Variants in TRAPPC9 observed in about 807,000 individuals in gnomAD.
TRAPPC9 encodes the protein trafficking protein particle complex subunit 9.
Under a neutral mutation model 124.0 loss-of-function variants are expected in TRAPPC9, and 83 were observed. The ratio of observed to expected loss-of-function variants is 0.67; its 90% CI spans 0.56 to 0.80. The LOEUF (loss-of-function observed/expected upper bound fraction) is 0.80, where lower values mean the gene tolerates loss of function less well. Among genes scored for constraint, TRAPPC9 ranks in the 30% least tolerant of loss-of-function variants. The pLI is 0.00. For missense variants in TRAPPC9, 1,302 were observed against 1,508.3 expected, an observed-to-expected ratio of 0.86 and a Z score of 2.27; for synonymous variants, 638 against 617.5, an observed-to-expected ratio of 1.03 and a Z score of -0.49.
rs773134795 is a variant in TRAPPC9 at position 140,451,303 on chromosome 8, C to T, written c.71G>A (p.Gly24Asp). The stretch of plus-strand genomic sequence containing the variant: ...GAAGAAGTTCTCCTCGGAGACGATG[C>T]CCACAGGCTGGACCACCACGAGCAG... Reference protein sequence around the residue: ...QTLLVVVQPVGIVSEENFFRI... With the variant: ...QTLLVVVQPVDIVSEENFFRI... The change falls in exon 2 of 23, where the codon GGC becomes GAC. Residue 24 changes from glycine to aspartate, a missense_variant. Around this residue, in one of 3 missense-constraint regions of TRAPPC9, gnomAD observed 657 missense variants for 811.2 expected, o/e 0.81. Transcript: ENST00000438773. The T allele has an allele frequency of 5.6e-6, 9 of 1,608,996 alleles. No homozygotes were observed. Among genetic ancestry groups the T allele is most frequent in the Admixed American group, 1.7e-5 (1 of 60,024 alleles).
intron 17 of TRAPPC9, among the ~76,000 whole-genome samples, chr8:140,094,564 C>A (rs765012396): frequency 4.6e-5 from 7 of 152,200 alleles, no homozygotes; most frequent in Non-Finnish European, 2.9e-5. Context: ...TAACCCAACA[C>A]AACTGGTACC....
chr8:139,760,894 C>T (rs1820175847), intron 21 of TRAPPC9, among the ~76,000 whole-genome samples: 1 of 152,204 alleles, frequency 6.6e-6, no homozygotes, highest in South Asian at 2.1e-4. Context: ...ATGGGAATTA[C>T]CGGAGCTACA....
chr8:139,835,376 G>A (rs961620648), intron 21 of TRAPPC9, among the ~76,000 whole-genome samples: 10 of 152,226 alleles, frequency 6.6e-5, no homozygotes, highest in African/African-American at 1.7e-4. Flanking sequence ...CCGGGGCTCC[G>A]CTGCTCTGCG....
rs901259628 is a variant in TRAPPC9 at position 140,252,898 on chromosome 8, C to T, written c.2310G>A (p.Lys770=). ...GGAACTGGGCAAGGGTTTCCTCTAG[C>T]TTCCAGCTCAAGAAGTCGCCATACA... ...EKLYGDFLSW[K]LEETLAQFPL... The change falls in exon 16 of 23, where the codon AAG becomes AAA. Residue 770 remains lysine (K), a synonymous_variant. Coordinates refer to ENST00000438773, the MANE Select transcript of TRAPPC9 (RefSeq NM_001160372.4). The surrounding 1 kb of genome is among the most constrained non-coding windows in gnomAD (Gnocchi z 4.2). 1.5e-5 allele frequency: 24 copies of T among 1,614,098 alleles called. No individual in the cohort carries two copies. Among genetic ancestry groups the T allele is most frequent in the Non-Finnish European group, 2.0e-5 (24 of 1,180,026 alleles).
chr8:139,818,753 C>T (rs975291020), intron 21 of TRAPPC9, among the ~76,000 whole-genome samples: 2 of 152,182 alleles, frequency 1.3e-5, no homozygotes, highest in African/African-American at 4.8e-5. Context: ...TTATGAAATT[C>T]CTGACAATGT....
chr8:140,125,515 A>C (rs1368689355), intron 17 of TRAPPC9, among the ~76,000 whole-genome samples: 1 of 150,138 alleles, frequency 6.7e-6, no homozygotes, highest in East Asian at 2.0e-4. Flanking sequence ...CAGCAAGGGG[A>C]AGGTGTGCAG....
rs145270329 is a variant in TRAPPC9, at chr8:140,362,899, A to G, written c.1352-2706T>C. 5.9e-4 allele frequency among the ~76,000 whole-genome samples: 90 copies of G among 152,326 alleles called. 1 individual carries two copies. In the East Asian group the frequency reaches 0.017, roughly 29 times the overall value. ...AATGATCCAGTTCCTACCACGGGCG[A>G]TTATGAGTAAGACCGAGTATACATT... is the stretch of plus-strand genomic sequence containing the variant. On this transcript the variant is annotated intron_variant, in intron 8 of 22. Coordinates refer to ENST00000438773, the MANE Select transcript of TRAPPC9 (RefSeq NM_001160372.4).
intron 17 of TRAPPC9, among the ~76,000 whole-genome samples, chr8:140,177,832 TG>T (rs1275478464): frequency 6.6e-6 from 1 of 152,108 alleles, no homozygotes; most frequent in Non-Finnish European, 1.5e-5. Context: ...CTTGAGAAAA[TG>T]TATATTTTCT....
intron 19 of TRAPPC9, among the ~76,000 whole-genome samples, chr8:139,987,983 G>A (rs549099529): frequency 6.6e-6 from 1 of 152,174 alleles, no homozygotes; most frequent in South Asian, 2.1e-4. Context: ...CAGAGACTGG[G>A]CTTGGGTGAC....
intron 17 of TRAPPC9, among the ~76,000 whole-genome samples, chr8:140,151,615 T>C (rs556544495): frequency 2.1e-4 from 32 of 152,226 alleles, no homozygotes; most frequent in African/African-American, 7.5e-4. Context: ...AGTAACCTCA[T>C]TTTACCTGGA....
At chr8:140,219,930 CG>C (rs1189185121) in intron 17 of TRAPPC9, among the ~76,000 whole-genome samples, 2 of 152,166 alleles carry the variant, frequency 1.3e-5, no homozygotes, top group African/African-American at 4.8e-5. Flanking sequence ...GCAGATCCAT[CG>C]GGGAATGGTG....
rs142677271 is a variant in TRAPPC9 at position 139,919,438 on chromosome 8, T to C, written c.2811-9138A>G. ...GACGACGGTGATGGTTGCACAACTCTGTGAATAAACAAAAATCACTGAGCC... is the reference window on the plus strand; with the variant it reads ...GACGACGGTGATGGTTGCACAACTCCGTGAATAAACAAAAATCACTGAGCC... On this transcript the variant is annotated intron_variant, in intron 19 of 22. Transcript: ENST00000438773. Among the ~76,000 whole-genome samples the C allele has an allele frequency of 3.9e-5, 6 of 151,990 alleles. No individual in the cohort carries two copies. The East Asian group carries it at 5.8e-4, about 15-fold the overall frequency.
At chr8:140,367,447 T>C (rs755492083) in intron 8 of TRAPPC9, among the ~76,000 whole-genome samples, 20 of 152,162 alleles carry the variant, frequency 1.3e-4, no homozygotes, top group Non-Finnish European at 2.6e-4. Flanking sequence ...CTTAAATGTA[T>C]ATTACTAAGA....
intron 21 of TRAPPC9, among the ~76,000 whole-genome samples, chr8:139,759,442 G>T (rs993692705): frequency 1.3e-5 from 2 of 152,194 alleles, no homozygotes; most frequent in African/African-American, 4.8e-5. Flanking sequence ...TGGCCAGGCT[G>T]AAAGGTCAAG....
chr8:140,397,830 A>G, intron 6 of TRAPPC9, 85 bp from the exon 7 acceptor site: 3 of 1,566,368 alleles, frequency 1.9e-6, no homozygotes, highest in Non-Finnish European at 2.6e-6. Context: ...CTGGGACTCA[A>G]TAACTACAAC....
chr8:140,180,389 T>C (rs1275621927), intron 17 of TRAPPC9, among the ~76,000 whole-genome samples: 2 of 152,252 alleles, frequency 1.3e-5, no homozygotes, highest in South Asian at 2.1e-4. Context: ...CCTTTATATA[T>C]GTTTTAAAGA....
intron 1 of TRAPPC9, among the ~76,000 whole-genome samples, chr8:140,456,639 A>G (rs945494830): frequency 6.6e-6 from 1 of 152,148 alleles, no homozygotes; most frequent in Admixed American, 6.5e-5. Context: ...GATCTTTAGG[A>G]CGGCAATGTT....
At chr8:139,824,689 T>C (rs1386335004) in intron 21 of TRAPPC9, among the ~76,000 whole-genome samples, 1 of 151,982 alleles carries the variant, frequency 6.6e-6, no homozygotes, top group East Asian at 1.9e-4. Context: ...GCCTCTGGAG[T>C]AGCTGGGACT....
At chr8:139,802,526 C>T (rs1178920499) in intron 21 of TRAPPC9, among the ~76,000 whole-genome samples, 1 of 152,192 alleles carries the variant, frequency 6.6e-6, no homozygotes, top group African/African-American at 2.4e-5. Context: ...TGACTCAGTT[C>T]CTTCAACTTT....
Sources: gnomAD v4.1 joint callset for allele counts (sites outside exome capture counted in the v4.1 genomes callset) on GRCh38, gnomAD v4.1.1 for gene constraint, gnomAD v4.1.1 regional missense constraint, Gnocchi (gnomAD v3.1) non-coding constraint, MANE v1.5 for transcripts, NCBI Gene and HGNC (gene_info 2026-07-23, HGNC 2026-07-21) for gene names.